Variants in CATSPER1 observed in about 807,000 individuals in gnomAD.
CATSPER1 encodes cation channel sperm associated 1.
Under a neutral mutation model 72.7 loss-of-function variants are expected in CATSPER1, and 57 were observed. The observed-to-expected ratio is 0.78, with a 90% confidence interval of 0.63 to 0.98. The LOEUF is 0.98. CATSPER1 is among the 50% of genes least tolerant of loss of function. The pLI is 0.00. For synonymous variants in CATSPER1, 363 were observed against 403.0 expected (o/e 0.90, Z 1.19); for missense variants, 910 against 1,033.9 (o/e 0.88, Z 1.64).
rs1283011495 is a variant in CATSPER1 at position 66,025,681 on chromosome 11, T to C, written c.699A>G (p.Glu233=). The change falls in exon 1 of 12, where the codon GAA becomes GAG. Residue 233 remains glutamate, a synonymous_variant. Coordinates refer to ENST00000312106, the MANE Select transcript of CATSPER1 (RefSeq NM_053054.4). ...GAGGAGACTTTCCATGCTGGTGGGC[T>C]TCATGATGACGGGACCTGCCATGGT... ...VHHHGRSRHH[E]AHQHGKSPHH... is the part of the protein sequence containing the mutation. 8 of 1,613,972 alleles carry C rather than the reference T, an allele frequency of 5.0e-6. No individual in the cohort carries two copies. Among genetic ancestry groups the C allele is most frequent in the Non-Finnish European group, 5.1e-6 (6 of 1,179,966 alleles).
In CATSPER1 at chr11:66,020,871, GGGTGAAGATGGT is replaced by G; in HGVS notation, c.1855_1866del (p.Thr619_Thr622del). 1 of 1,613,974 alleles carries G rather than the reference GGGTGAAGATGGT, an allele frequency of 6.2e-7. No individual in the cohort carries two copies. Among genetic ancestry groups the G allele is most frequent in the African/African-American group, 1.3e-5 (1 of 75,018 alleles). ...TCATCCAGCGTGAGCAAGGTGAAGA[GGGTGAAGATGGT>G]GGTGAAGATGTTCTGGAAGCGCTTG... On this transcript the variant is annotated inframe_deletion, in exon 6 of 12. Coordinates refer to ENST00000312106, the MANE Select transcript of CATSPER1 (RefSeq NM_053054.4). The surrounding 1 kb of genome is among the most constrained non-coding windows in gnomAD (Gnocchi z 4.5).
At chr11:66,018,247 T>C (rs1419442077) in intron 10 of CATSPER1, among the ~76,000 whole-genome samples, 1 of 150,492 alleles carries the variant, frequency 6.6e-6, no homozygotes, top group Non-Finnish European at 1.5e-5. Context: ...AAGAGAAAGA[T>C]ACATGAGGGT....
At position 66,021,552 on chromosome 11, in the gene CATSPER1, G is replaced by A; in HGVS notation, c.1635C>T (p.Leu545=). The A allele has an allele frequency of 6.2e-7, 1 of 1,613,742 alleles. No individual in the cohort carries two copies. The highest frequency in any genetic ancestry group is 8.5e-7 in the Non-Finnish European group (1 of 1,179,842). ...GGGCCCGCAGGCTCTTGAAGACCTT[G>A]AGGATCCGGAAGAGGCTTTGGTGGT... ...AIYHQSLFRI[L]KVFKSLRALR... is the part of the protein sequence containing the mutation. The change falls in exon 4 of 12, where the codon CTC becomes CTT. Residue 545 remains leucine (L), a synonymous_variant. Transcript: ENST00000312106.
At chr11:66,023,619 C>T (rs1012454206) in intron 1 of CATSPER1, among the ~76,000 whole-genome samples, 2 of 151,214 alleles carry the variant, frequency 1.3e-5, no homozygotes, top group African/African-American at 2.4e-5. Flanking sequence ...TTGAGGCAGG[C>T]GGATCACTGG....
In CATSPER1 at chr11:66,021,431, G is replaced by A. The variant is rs564210848; in HGVS notation, c.1691+65C>T. 2.1e-5 allele frequency: 33 copies of A among 1,580,692 alleles called. No individual in the cohort carries two copies. In the African/African-American group the frequency reaches 3.2e-4, roughly 15 times the overall value. ...AGCAGGTCACAGTGGATTTCTTTGG[G>A]GCCCTGGTCTGTGTCCCCTCTTCCT... On this transcript the variant is annotated intron_variant, in intron 4 of 11. Coordinates refer to ENST00000312106, the MANE Select transcript of CATSPER1 (RefSeq NM_053054.4).
At chr11:66,022,541 G>A (rs1856396636) in intron 2 of CATSPER1, among the ~76,000 whole-genome samples, 1 of 152,104 alleles carries the variant, frequency 6.6e-6, no homozygotes, top group African/African-American at 2.4e-5. Flanking sequence ...TCGGGCTCCC[G>A]GCCCTTCCGC....
intron 1 of CATSPER1, among the ~76,000 whole-genome samples, chr11:66,024,351 C>T (rs887241118): frequency 8.0e-5 from 12 of 149,332 alleles, no homozygotes; most frequent in African/African-American, 2.5e-4. Flanking sequence ...GATCTCGGCT[C>T]ACTGCAACCT....
intron 1 of CATSPER1, 96 bp from the exon 2 acceptor site, chr11:66,023,157 G>A: frequency 2.5e-6 from 3 of 1,190,182 alleles, no homozygotes; most frequent in Non-Finnish European, 3.7e-6. Flanking sequence ...GGTCACTCCT[G>A]CCTGCTTGCT....
rs1392357631 is a variant in CATSPER1 at position 66,021,499 on chromosome 11, A to C, written c.1688T>G (p.Leu563Arg). The C allele has an allele frequency of 6.2e-7, 1 of 1,613,118 alleles. No individual in the cohort carries two copies. The highest frequency in any genetic ancestry group is 1.7e-5 in the Admixed American group (1 of 60,004). Residue 563 changes from leucine to arginine, a missense_variant, in exon 4 of 12, where the codon CTC becomes CGC. Leu to Arg is a moderately radical substitution (Grantham distance 102, BLOSUM62 -2). Coordinates refer to ENST00000312106, the MANE Select transcript of CATSPER1 (RefSeq NM_053054.4). ...ALRAIRVLRR[L>R]SFLTSVQEVT... ...GGTGGGAGCCGTGGCCACTGACCTG[A>C]GCCTCCGCAGGACCCGGATTGCCCT...
chr11:66,024,322 G>T (rs1293107769), intron 1 of CATSPER1, among the ~76,000 whole-genome samples: 1 of 138,620 alleles, frequency 7.2e-6, no homozygotes, highest in Admixed American at 7.9e-5. Flanking sequence ...CTGTCACCCC[G>T]GCCGGAGTGC....
chr11:66,023,741 T>G (rs1425170085), intron 1 of CATSPER1, among the ~76,000 whole-genome samples: 2 of 151,728 alleles, frequency 1.3e-5, no homozygotes, highest in African/African-American at 4.8e-5. Context: ...CTGGGGATCC[T>G]GAGGGCTCCC....
Position 66,020,460 on chromosome 11 carries a change from G to A in CATSPER1, c.1992-71C>T. ...AGAGGGGCACCCGGTACTTCTTGTG[G>A]GTTCAGCGTGGCATGACCAGGGTGA... On this transcript the variant is annotated intron_variant, in intron 7 of 11. Coordinates refer to ENST00000312106, the MANE Select transcript of CATSPER1 (RefSeq NM_053054.4). The surrounding 1 kb of genome is among the most constrained non-coding windows in gnomAD (Gnocchi z 4.5). The A allele has an allele frequency of 6.2e-7, 1 of 1,604,778 alleles. No individual in the cohort carries two copies. The highest frequency in any genetic ancestry group is 8.5e-7 in the Non-Finnish European group (1 of 1,171,708).
Position 66,018,896 on chromosome 11 carries a change from T to C in CATSPER1, c.2132A>G (p.Lys711Arg). Reference sequence around the variant, plus strand: ...CATGGTGCCTTCACTCGCCACCTCTTTGGGCTCTGGATGTAGAGAAAGAAG... The same window carrying C: ...CATGGTGCCTTCACTCGCCACCTCTCTGGGCTCTGGATGTAGAGAAAGAAG... ...SLTELRAAEP[K>R]EVASEGTMLK... is the part of the protein sequence containing the mutation. The change falls in exon 10 of 12, where the codon AAA (lysine) becomes AGA (arginine). Residue 711 changes from lysine to arginine, a missense_variant. Transcript: ENST00000312106. 1 of 1,613,798 alleles carries C rather than the reference T, an allele frequency of 6.2e-7. No homozygotes were observed. Among genetic ancestry groups the C allele is most frequent in the Non-Finnish European group, 8.5e-7 (1 of 1,179,836 alleles).
intron 10 of CATSPER1, 94 bp downstream of exon 10, chr11:66,018,733 G>C (rs565422604): frequency 3.0e-6 from 4 of 1,351,284 alleles, no homozygotes; most frequent in Non-Finnish European, 4.2e-6. Context: ...CCCTTCTAGA[G>C]GGGCAGGCAA....
At chr11:66,023,188 C>T in intron 1 of CATSPER1, 127 bp from the exon 2 acceptor site, 3 of 942,462 alleles carry the variant, frequency 3.2e-6, no homozygotes, top group Non-Finnish European at 5.1e-6. Context: ...CTCCCGGGTT[C>T]AAGCAACTCT....
chr11:66,016,851 T>C lies in CATSPER1; in HGVS notation c.*39A>G, dbSNP rs1475885894. ...TCCCAGTGCACCCAGGTGGGCAGACTGCCAGGGGCTGAAGTCTGTATCTGG... is the reference window on the plus strand; with the variant it reads ...TCCCAGTGCACCCAGGTGGGCAGACCGCCAGGGGCTGAAGTCTGTATCTGG... On this transcript the variant is annotated 3_prime_UTR_variant, in exon 12 of 12. Coordinates refer to ENST00000312106, the MANE Select transcript of CATSPER1 (RefSeq NM_053054.4). The C allele has an allele frequency of 6.2e-7, 1 of 1,605,428 alleles. No individual in the cohort carries two copies. The highest frequency in any genetic ancestry group is 1.1e-5 in the South Asian group (1 of 89,920).
chr11:66,016,905 C>G lies in CATSPER1; in HGVS notation c.2328G>C (p.Glu776Asp). The G allele has an allele frequency of 1.9e-6, 3 of 1,614,008 alleles. No homozygotes were observed. Among genetic ancestry groups the G allele is most frequent in the Non-Finnish European group, 2.5e-6 (3 of 1,179,936 alleles). The stretch of plus-strand genomic sequence containing the variant: ...CCTCCTGGGGTCAATTCCTGAAGTC[C>G]TCTTCTCCAGCCTGCAGGGGTGAGT... ...IVDTTFEAGE[E>D]DFRN The change falls in exon 12 of 12, where the codon GAG (glutamate) becomes GAC (aspartate). Residue 776 changes from glutamate to aspartate, a missense_variant. Physicochemically the swap from Glu to Asp is conservative, Grantham distance 45. Transcript: ENST00000312106.
intron 2 of CATSPER1, 149 bp downstream of exon 2, chr11:66,022,700 C>A: frequency 1.3e-6 from 1 of 751,940 alleles, no homozygotes; most frequent in Non-Finnish European, 2.2e-6. Flanking sequence ...CTGAGACGCT[C>A]TCTAATACTG....
In CATSPER1 at chr11:66,020,494, G is replaced by A; in HGVS notation, c.1991+70C>T. 5 of 1,599,254 alleles carry A rather than the reference G, an allele frequency of 3.1e-6. No individual in the cohort carries two copies. In the South Asian group the frequency reaches 3.3e-5, roughly 11 times the overall value. ...TGGCATGACCAGGGTGAGAGGGCTGGGGTAAGGGTCCCAGGGGAGAGGAGG... is the reference window on the plus strand; with the variant it reads ...TGGCATGACCAGGGTGAGAGGGCTGAGGTAAGGGTCCCAGGGGAGAGGAGG... On this transcript the variant is annotated intron_variant, in intron 7 of 11. Transcript: ENST00000312106. The surrounding 1 kb of genome is among the most constrained non-coding windows in gnomAD (Gnocchi z 4.5).
Sources: allele counts gnomAD v4.1 joint callset (sites outside exome capture counted in the v4.1 genomes callset), GRCh38; gene constraint gnomAD v4.1.1; non-coding constraint Gnocchi (gnomAD v3.1); transcripts MANE v1.5; gene names NCBI Gene and HGNC (gene_info 2026-07-23, HGNC 2026-07-21).